The following KIF4A variants were observed in gnomAD, a reference collection of about 807,000 sequenced individuals.
KIF4A encodes the protein kinesin family member 4A.
A neutral mutation model predicts 105.9 loss-of-function variants in KIF4A; 7 were observed. That is an observed-to-expected ratio of 0.07 (90% CI 0.04 to 0.12). The LOEUF is 0.12. Ranked by LOEUF, KIF4A falls within the 10% of genes least tolerant of loss-of-function variation. The probability of loss-of-function intolerance (pLI) is 1.00; values close to 1 mark genes in which losing one functional copy is unlikely to be tolerated. For missense variants in KIF4A, 558 were observed against 929.2 expected (o/e 0.60, Z 5.19); for synonymous variants, 281 against 331.3 (o/e 0.85, Z 1.65).
In KIF4A at chrX:70,297,097, T is replaced by C; in HGVS notation, c.335T>C (p.Val112Ala). The C allele has an allele frequency of 1.7e-6, 2 of 1,210,544 alleles. No homozygotes were observed. Among genetic ancestry groups the C allele is most frequent in the African/African-American group, 1.7e-5 (1 of 57,793 alleles). The change falls in exon 4 of 31, where the codon GTT (valine) becomes GCT (alanine). Residue 112 changes from valine (V) to alanine (A), a missense_variant. Physicochemically the swap from Val to Ala is moderately conservative, Grantham distance 64. Coordinates refer to ENST00000374403, the MANE Select transcript of KIF4A (RefSeq NM_012310.5). ...GCAGAGCAAGAGAATGAACCAACAG[T>C]TGGGGTTATTCCTAGGGTAATACAA... ...YTAEQENEPT[V>A]GVIPRVIQLL...
Position 70,297,047 on chromosome X carries a change from C to G in KIF4A, c.285C>G (p.Thr95=), listed in dbSNP as rs756794321. The G allele has an allele frequency of 8.3e-7, 1 of 1,211,667 alleles. No homozygotes were observed. Among genetic ancestry groups the G allele is most frequent in the Non-Finnish European group, 1.1e-6 (1 of 895,447 alleles). ...ATGGGCAGACTGGCTCTGGAAAAAC[C>G]TATTCAATGGGAGGTGCATATACTG... ...LAYGQTGSGK[T]YSMGGAYTAE... Residue 95 remains threonine (T), a synonymous_variant, in exon 4 of 31, where the codon ACC becomes ACG. Coordinates refer to ENST00000374403, the MANE Select transcript of KIF4A (RefSeq NM_012310.5).
At chrX:70,362,068 A>G in intron 15 of KIF4A, 1 of 162,432 alleles carries the variant, frequency 6.2e-6, no homozygotes, top group Non-Finnish European at 1.2e-5. Context: ...GTCACCATGG[A>G]CAAGCTACAT....
chrX:70,406,259 A>G lies in KIF4A; in HGVS notation c.2977A>G (p.Lys993Glu). ...LLRENEIIKQ[K>E]LTLLQVASRQ... The stretch of plus-strand genomic sequence containing the variant: ...TACTTTGTCTCTTCTTTTCAAATAG[A>G]AACTGACCCTCCTCCAGGTAGCCAG... Residue 993 changes from lysine to glutamate, a missense_variant and splice_region_variant, in exon 27 of 31, where the codon AAA (lysine) becomes GAA (glutamate). By Grantham distance (56) the Lys-to-Glu change is moderately conservative (BLOSUM62 1). This residue lies in a region of KIF4A where 469 missense variants were observed against 680.4 expected (regional missense o/e 0.69). Coordinates refer to ENST00000374403, the MANE Select transcript of KIF4A (RefSeq NM_012310.5). 1 of 1,202,236 alleles carries G rather than the reference A, an allele frequency of 8.3e-7. No homozygotes were observed. The highest frequency in any genetic ancestry group is 1.1e-6 in the Non-Finnish European group (1 of 887,142).
chrX:70,371,829 GGC>G (rs2086136954), intron 15 of KIF4A, among the ~76,000 whole-genome samples: 1 of 100,032 alleles, frequency 1.0e-5, no homozygotes, highest in East Asian at 3.4e-4. Context: ...CGGGCGGAGG[GGC>G]TCCTCACTTC....
At chrX:70,394,697 CTTTG>C (rs2086252698) in intron 20 of KIF4A, among the ~76,000 whole-genome samples, 1 of 111,234 alleles carries the variant, frequency 9.0e-6, no homozygotes, top group Admixed American at 9.6e-5. Flanking sequence ...TTTATATTAT[CTTTG>C]TTTACTTGTA....
chrX:70,340,576 G>GT (rs777640249), intron 10 of KIF4A, among the ~76,000 whole-genome samples: 3 of 111,838 alleles, frequency 2.7e-5, no homozygotes, highest in African/African-American at 9.7e-5. Context: ...TTTACTAATA[G>GT]TTTTTTTTAT....
At chrX:70,327,410 A>G (rs959063896) in intron 7 of KIF4A, among the ~76,000 whole-genome samples, 2 of 110,717 alleles carry the variant, frequency 1.8e-5, no homozygotes, top group Non-Finnish European at 3.8e-5. Flanking sequence ...AATGGAAGGA[A>G]TAGAAACAGA....
intron 13 of KIF4A, among the ~76,000 whole-genome samples, chrX:70,344,888 C>T (rs891449645): frequency 8.9e-6 from 1 of 111,827 alleles, no homozygotes; most frequent in Non-Finnish European, 1.9e-5. Flanking sequence ...GCAATATTGT[C>T]AGGACTTGTT....
chrX:70,400,545 C>T (rs2086277333), intron 22 of KIF4A, among the ~76,000 whole-genome samples: 1 of 111,392 alleles, frequency 9.0e-6, no homozygotes, highest in South Asian at 3.7e-4. Context: ...CTTTTCCCAT[C>T]TGCATATTCA....
At chrX:70,333,573 G>T (rs1361337813) in intron 9 of KIF4A, 55 bp from the exon 10 acceptor site, 2 of 858,640 alleles carry the variant, frequency 2.3e-6, no homozygotes, top group East Asian at 6.2e-5. Context: ...TACTGCCAAG[G>T]GTTAAGTAGC....
At chrX:70,366,895 G>A (rs1474721198) in intron 15 of KIF4A, among the ~76,000 whole-genome samples, 1 of 105,916 alleles carries the variant, frequency 9.4e-6, no homozygotes, top group East Asian at 3.0e-4. Flanking sequence ...AAGTCTCTTT[G>A]TAGGTCTCTA....
At chrX:70,370,835 C>T (rs1375895606) in intron 15 of KIF4A, among the ~76,000 whole-genome samples, 1 of 104,991 alleles carries the variant, frequency 9.5e-6, no homozygotes, top group Non-Finnish European at 1.9e-5. Flanking sequence ...ACTTGGGAGA[C>T]TGGGGCACAA....
rs1477625710 is a variant in KIF4A at position 70,419,760 on chromosome X, G to A, written c.3472G>A (p.Val1158Ile). The A allele has an allele frequency of 1.2e-5, 14 of 1,208,548 alleles. No homozygotes were observed. Among genetic ancestry groups the A allele is most frequent in the Admixed American group, 4.4e-5 (2 of 45,431 alleles). ...CCCAGGATTGAGCTTCTTTAATCCC[G>A]TCTGTGCCACCCCCAATAGCAAGGT... ...VTPGLSFFNPVCATPNSKILK... is the reference protein window; with the variant it reads ...VTPGLSFFNPICATPNSKILK... Residue 1158 changes from valine to isoleucine, a missense_variant, in exon 30 of 31, where the codon GTC (valine) becomes ATC (isoleucine). Physicochemically the swap from Val to Ile is conservative, Grantham distance 29. Transcript: ENST00000374403.
intron 13 of KIF4A, among the ~76,000 whole-genome samples, chrX:70,351,684 C>T (rs1236674113): frequency 8.9e-6 from 1 of 112,350 alleles, no homozygotes; most frequent in Admixed American, 9.4e-5. Context: ...TTCAAGAGCA[C>T]ACTTTTCTGG....
At chrX:70,391,829 A>G (rs948388199) in intron 20 of KIF4A, among the ~76,000 whole-genome samples, 2 of 110,891 alleles carry the variant, frequency 1.8e-5, no homozygotes, top group Non-Finnish European at 3.8e-5. Context: ...GTCCATGTGT[A>G]CTCAATGTTT....
intron 3 of KIF4A, 68 bp from the exon 4 acceptor site, chrX:70,296,930 G>A: frequency 1.9e-6 from 2 of 1,046,882 alleles, no homozygotes; most frequent in Non-Finnish European, 2.6e-6. Context: ...ATTGCTGAAG[G>A]AAATGGAGTA....
chrX:70,406,473 CT>C, intron 27 of KIF4A, 119 bp downstream of exon 27: 1 of 533,388 alleles, frequency 1.9e-6, no homozygotes, highest in Non-Finnish European at 3.1e-6. Flanking sequence ...TCTCACTTTT[CT>C]TTGGAGTCCC....
chrX:70,334,411 A>G (rs1001309876), intron 10 of KIF4A, among the ~76,000 whole-genome samples: 3 of 111,901 alleles, frequency 2.7e-5, no homozygotes, highest in African/African-American at 9.7e-5. Context: ...TACCATTCCA[A>G]TGTGACAGGG....
At chrX:70,362,237 C>T (rs139928059) in intron 15 of KIF4A, 3,960 of 352,914 alleles carry the variant, frequency 0.011, 30 homozygotes, top group Non-Finnish European at 0.016. Flanking sequence ...AGGCCTTCCC[C>T]ATTGAGGAGA....
Sources: allele counts gnomAD v4.1 joint callset (sites outside exome capture counted in the v4.1 genomes callset), GRCh38; gene constraint gnomAD v4.1.1; regional missense constraint gnomAD v4.1.1; transcripts MANE v1.5; gene names NCBI Gene and HGNC (gene_info 2026-07-23, HGNC 2026-07-21).